IGF2BP3: variants seen among roughly 807,000 people sequenced by gnomAD.
IGF2BP3 encodes the protein insulin-like growth factor 2 mRNA-binding protein 3.
IGF2BP3 carries 9 observed loss-of-function variants against 73.8 expected under a neutral mutation model. The ratio of observed to expected loss-of-function variants is 0.12; its 90% CI spans 0.07 to 0.21. The LOEUF (loss-of-function observed/expected upper bound fraction) is 0.21. Among genes scored for constraint, IGF2BP3 ranks in the 10% least tolerant of loss-of-function variants. The probability of loss-of-function intolerance (pLI) is 1.00; values close to 1 mark genes in which losing one functional copy is unlikely to be tolerated. For synonymous variants in IGF2BP3, 258 were observed against 256.7 expected (o/e 1.01, Z -0.05); for missense variants, 542 against 714.0 (o/e 0.76, Z 2.75).
At chr7:23,355,213 C>CTTTT (rs1562695343) in intron 5 of IGF2BP3, among the ~76,000 whole-genome samples, 2 of 145,832 alleles carry the variant, frequency 1.4e-5, no homozygotes, top group African/African-American at 5.4e-5. Context: ...CTGGTTTTGT[C>CTTTT]TTTTTATTTT....
chr7:23,384,075 G>A (rs111738875), intron 3 of IGF2BP3, among the ~76,000 whole-genome samples: 18 of 125,748 alleles, frequency 1.4e-4, no homozygotes, highest in Admixed American at 4.1e-4. Flanking sequence ...CAGCCTGGGC[G>A]ACAGAGCAAG....
intron 3 of IGF2BP3, among the ~76,000 whole-genome samples, chr7:23,408,907 TC>T (rs1187915421): frequency 6.6e-6 from 1 of 152,122 alleles, no homozygotes; most frequent in Non-Finnish European, 1.5e-5. Flanking sequence ...ACGACAGCGG[TC>T]CCCAACTATT....
In IGF2BP3 at chr7:23,418,484, A is replaced by C. The variant is rs182566163; in HGVS notation, c.285+292T>G. On this transcript the variant is annotated intron_variant, in intron 3 of 14. Transcript: ENST00000258729. The stretch of plus-strand genomic sequence containing the variant: ...ATATTTAAATACAATTGGCAAACTC[A>C]TCAGAAAGAACTGAAATCAACAAAA... Among the ~76,000 whole-genome samples the C allele has an allele frequency of 9.0e-4, 137 of 152,364 alleles. 1 individual carries two copies. The highest frequency in any genetic ancestry group is 3.2e-3 in the African/African-American group (134 of 41,582).
intron 3 of IGF2BP3, among the ~76,000 whole-genome samples, chr7:23,371,052 T>C (rs182008275): frequency 2.0e-5 from 3 of 152,222 alleles, no homozygotes; most frequent in Admixed American, 6.5e-5. Flanking sequence ...ACAAAAGATA[T>C]AGAAGTGGAA....
At chr7:23,428,382 G>A (rs547712052) in intron 2 of IGF2BP3, among the ~76,000 whole-genome samples, 1 of 151,966 alleles carries the variant, frequency 6.6e-6, no homozygotes, top group South Asian at 2.1e-4. Context: ...TGAGGCAGGA[G>A]AATCGCTTGA....
intron 10 of IGF2BP3, among the ~76,000 whole-genome samples, chr7:23,330,861 G>A (rs1322233040): frequency 1.3e-5 from 2 of 152,076 alleles, no homozygotes; most frequent in Non-Finnish European, 2.9e-5. Context: ...GCACAATCTC[G>A]GCTCACTGCA....
At chr7:23,401,557 G>A (rs1786664985) in intron 3 of IGF2BP3, among the ~76,000 whole-genome samples, 1 of 151,860 alleles carries the variant, frequency 6.6e-6, no homozygotes, top group South Asian at 2.1e-4. Context: ...CTGAGGTCAG[G>A]AGTTCGAGAC....
chr7:23,353,402 G>A (rs532379644), intron 5 of IGF2BP3, among the ~76,000 whole-genome samples: 27 of 152,224 alleles, frequency 1.8e-4, no homozygotes, highest in African/African-American at 6.3e-4. Flanking sequence ...AATGATTCTC[G>A]GTTTCTCACT....
intron 3 of IGF2BP3, among the ~76,000 whole-genome samples, chr7:23,406,887 T>G (rs967683244): frequency 5.9e-5 from 9 of 152,096 alleles, no homozygotes; most frequent in African/African-American, 1.7e-4. Context: ...TTTACAATCC[T>G]TTAGCTAGAC....
chr7:23,353,286 G>C (rs1230492078), intron 5 of IGF2BP3, among the ~76,000 whole-genome samples: 2 of 152,120 alleles, frequency 1.3e-5, no homozygotes, highest in Non-Finnish European at 2.9e-5. Context: ...AAAAAAGGGG[G>C]TGGAGTGGGT....
chr7:23,405,558 T>TGAGAGGAG (rs1786800509), intron 3 of IGF2BP3, among the ~76,000 whole-genome samples: 1 of 152,130 alleles, frequency 6.6e-6, no homozygotes, highest in South Asian at 2.1e-4. Context: ...CAGCAGAAGG[T>TGAGAGGAG]GAGAGGAGGT....
intron 10 of IGF2BP3, among the ~76,000 whole-genome samples, chr7:23,321,411 C>T (rs11979442): frequency 0.039 from 5,933 of 152,272 alleles, 366 homozygotes; most frequent in African/African-American, 0.13. Context: ...GCACCTGGCT[C>T]GGAGGGTCGT....
At chr7:23,326,376 C>A (rs939195951) in intron 10 of IGF2BP3, among the ~76,000 whole-genome samples, 6 of 152,180 alleles carry the variant, frequency 3.9e-5, no homozygotes, top group Non-Finnish European at 7.3e-5. Context: ...GATACCATCT[C>A]ACACCAGCTA....
chr7:23,319,294 T>C (rs373434280), intron 10 of IGF2BP3, 40 bp from the exon 11 acceptor site: 112 of 1,329,130 alleles, frequency 8.4e-5, no homozygotes, highest in Non-Finnish European at 1.2e-4. Flanking sequence ...GTTTATTTGC[T>C]ACAAATCAGG....
Position 23,312,262 on chromosome 7 carries a change from G to C in IGF2BP3, c.*100C>G, listed in dbSNP as rs921402333. The C allele has an allele frequency of 2.3e-6, 2 of 864,516 alleles. No homozygotes were observed. The highest frequency in any genetic ancestry group is 1.7e-5 in the African/African-American group (1 of 59,308). 53.6% of individuals were successfully genotyped at this position (864,516 alleles called of 1,614,324 possible). A position where few individuals can be genotyped will look rare whatever the true frequency, so the allele number is the denominator to read the frequency against. On this transcript the variant is annotated 3_prime_UTR_variant, in exon 15 of 15. Coordinates refer to ENST00000258729, the MANE Select transcript of IGF2BP3 (RefSeq NM_006547.3). ...GAAACAACTGGCTAGGTAAAAACTT[G>C]TGCATGTGATTCTGGATAGGGGGTC...
intron 3 of IGF2BP3, among the ~76,000 whole-genome samples, chr7:23,410,007 A>C (rs1786967463): frequency 6.6e-6 from 1 of 152,088 alleles, no homozygotes; most frequent in Non-Finnish European, 1.5e-5. Flanking sequence ...CATCTCTACC[A>C]AAAATACAAA....
chr7:23,384,415 T>C (rs1395474057), intron 3 of IGF2BP3, among the ~76,000 whole-genome samples: 1 of 152,172 alleles, frequency 6.6e-6, no homozygotes, highest in East Asian at 1.9e-4. Flanking sequence ...AAACCACTGA[T>C]TTGTACACTT....
At chr7:23,431,878 T>C (rs1787690059) in intron 2 of IGF2BP3, among the ~76,000 whole-genome samples, 1 of 152,164 alleles carries the variant, frequency 6.6e-6, no homozygotes. Context: ...GCCACTGTGG[T>C]ATAGTTAACA....
chr7:23,339,915 G>T (rs1784665767), intron 10 of IGF2BP3, among the ~76,000 whole-genome samples: 1 of 152,182 alleles, frequency 6.6e-6, no homozygotes, highest in African/African-American at 2.4e-5. Context: ...TGTACTCTCA[G>T]ATTCCTATTT....
Sources: allele counts gnomAD v4.1 joint callset (sites outside exome capture counted in the v4.1 genomes callset), GRCh38; gene constraint gnomAD v4.1.1; transcripts MANE v1.5; gene names NCBI Gene and HGNC (gene_info 2026-07-23, HGNC 2026-07-21).